The following CNTNAP2 variants were observed in gnomAD, a reference collection of about 807,000 sequenced individuals.
CNTNAP2 encodes the protein contactin associated protein 2.
In CNTNAP2, 98 loss-of-function variants were observed where a neutral mutation model predicts 155.2. The observed-to-expected ratio is 0.63, with a 90% CI of 0.54 to 0.75. The LOEUF is 0.75. Among genes scored for constraint, CNTNAP2 ranks in the 30% least tolerant of loss-of-function variants. CNTNAP2 has a pLI of 0.00. For missense variants in CNTNAP2, 1,727 were observed against 1,688.1 expected (o/e 1.02, Z -0.40); for synonymous variants, 651 against 631.2 (o/e 1.03, Z -0.47).
intron 9 of CNTNAP2, among the ~76,000 whole-genome samples, chr7:147,321,907 G>T (rs1795358543): frequency 6.6e-6 from 1 of 152,240 alleles, no homozygotes; most frequent in African/African-American, 2.4e-5. Context: ...TTTGGATTAG[G>T]TTCAGCTTGA....
intron 3 of CNTNAP2, among the ~76,000 whole-genome samples, chr7:146,901,772 A>G (rs914990728): frequency 1.1e-4 from 17 of 151,744 alleles, no homozygotes; most frequent in Non-Finnish European, 2.5e-4. Context: ...TTTGCTAACA[A>G]TTGTATTGTT....
chr7:146,595,904 A>T (rs1186209097), intron 1 of CNTNAP2, among the ~76,000 whole-genome samples: 5 of 152,026 alleles, frequency 3.3e-5, no homozygotes, highest in African/African-American at 9.7e-5. Context: ...CACACTTTTT[A>T]ACTTGTCCAG....
chr7:147,569,504 C>A (rs533909278), intron 12 of CNTNAP2, among the ~76,000 whole-genome samples: 1 of 152,266 alleles, frequency 6.6e-6, no homozygotes, highest in African/African-American at 2.4e-5. Context: ...TGCACCTTTT[C>A]TATGTGTAGA....
intron 14 of CNTNAP2, among the ~76,000 whole-genome samples, chr7:147,935,741 T>G (rs1800596048): frequency 6.6e-6 from 1 of 152,202 alleles, no homozygotes; most frequent in Non-Finnish European, 1.5e-5. Flanking sequence ...GAGCTTTATC[T>G]TGGAACAATA....
At chr7:147,566,343 G>A (rs1369385720) in intron 12 of CNTNAP2, among the ~76,000 whole-genome samples, 4 of 116,754 alleles carry the variant, frequency 3.4e-5, no homozygotes, top group African/African-American at 1.3e-4. Context: ...GGGAGGGGGA[G>A]GGGAAAGGAA....
chr7:147,399,725 G>A (rs1363537723), intron 10 of CNTNAP2, among the ~76,000 whole-genome samples: 1 of 152,158 alleles, frequency 6.6e-6, no homozygotes, highest in Non-Finnish European at 1.5e-5. Flanking sequence ...GCCTGTGTCT[G>A]CAGGTTTACA....
chr7:147,588,429 T>G (rs1800674363), intron 12 of CNTNAP2, among the ~76,000 whole-genome samples: 1 of 152,164 alleles, frequency 6.6e-6, no homozygotes, highest in African/African-American at 2.4e-5. Flanking sequence ...GGATACTCTG[T>G]GAATAGATGT....
chr7:147,219,955 T>TC (rs1339499192), intron 8 of CNTNAP2, among the ~76,000 whole-genome samples: 1 of 150,572 alleles, frequency 6.6e-6, no homozygotes, highest in Non-Finnish European at 1.5e-5. Flanking sequence ...TTTTTTTTTT[T>TC]TTTTTTTGTA....
At chr7:146,964,343 C>G (rs572174005) in intron 3 of CNTNAP2, among the ~76,000 whole-genome samples, 5 of 152,242 alleles carry the variant, frequency 3.3e-5, no homozygotes, top group African/African-American at 1.2e-4. Context: ...TAGCCTGTAA[C>G]TAAGTATTCT....
intron 1 of CNTNAP2, among the ~76,000 whole-genome samples, chr7:146,735,535 A>C (rs934248064): frequency 6.6e-5 from 10 of 152,164 alleles, no homozygotes; most frequent in African/African-American, 2.4e-4. Flanking sequence ...AGCCTGGGCA[A>C]CAGAGCAAGA....
At chr7:147,213,263 C>T (rs1479409405) in intron 8 of CNTNAP2, among the ~76,000 whole-genome samples, 1 of 152,174 alleles carries the variant, frequency 6.6e-6, no homozygotes, top group African/African-American at 2.4e-5. Flanking sequence ...CTCTTCGTCT[C>T]TTTGTTCTAT....
At chr7:148,264,073 ATT>A (rs781147963) in intron 20 of CNTNAP2, among the ~76,000 whole-genome samples, 12,657 of 152,208 alleles carry the variant, frequency 0.083, 857 homozygotes, top group African/African-American at 0.18. Context: ...CCCACCATGT[ATT>A]GTATTGGGCT....
intron 13 of CNTNAP2, among the ~76,000 whole-genome samples, chr7:147,789,911 T>G (rs556781653): frequency 6.6e-6 from 1 of 152,302 alleles, no homozygotes; most frequent in Non-Finnish European, 1.5e-5. Flanking sequence ...GCTTTCCTAC[T>G]TTTGAAGTCT....
intron 13 of CNTNAP2, among the ~76,000 whole-genome samples, chr7:147,712,733 G>A (rs192325758): frequency 4.3e-4 from 65 of 152,236 alleles, no homozygotes; most frequent in Non-Finnish European, 6.0e-4. Flanking sequence ...ATCACACACC[G>A]GGGCCTGTCA....
intron 14 of CNTNAP2, among the ~76,000 whole-genome samples, chr7:147,949,464 T>A (rs539488258): frequency 0.047 from 4,529 of 96,412 alleles, 255 homozygotes; most frequent in African/African-American, 0.13. Flanking sequence ...ATATATTTTT[T>A]TTTTTTAGGT....
intron 3 of CNTNAP2, among the ~76,000 whole-genome samples, chr7:146,910,372 G>C (rs908784920): frequency 6.7e-6 from 1 of 149,546 alleles, no homozygotes; most frequent in African/African-American, 2.6e-5. Flanking sequence ...AAAGAACAAA[G>C]CTGGAGGCAT....
chr7:147,935,767 A>G (rs1301275596), intron 14 of CNTNAP2, among the ~76,000 whole-genome samples: 1 of 152,062 alleles, frequency 6.6e-6, no homozygotes, highest in Admixed American at 6.5e-5. Flanking sequence ...TTTCATTTAT[A>G]TGATAGCAAA....
At position 148,217,387 on chromosome 7, in the gene CNTNAP2, C is replaced by T; in HGVS notation, c.3110C>T (p.Pro1037Leu). Residue 1037 changes from proline (P) to leucine (L), a missense_variant, in exon 19 of 24, where the codon CCC becomes CTC. Physicochemically the swap from Pro to Leu is moderately conservative, Grantham distance 98 (BLOSUM62 -3). Transcript: ENST00000361727. ...RDSSSRVDNAPDQQNSHPDLA... is the reference protein window; with the variant it reads ...RDSSSRVDNALDQQNSHPDLA... ...TCCAGCAGCAGAGTAGACAACGCTC[C>T]CGACCAGCAGAACTCCCACCCGGAC... 1 of 1,614,130 alleles carries T rather than the reference C, an allele frequency of 6.2e-7. No homozygotes were observed. The highest frequency in any genetic ancestry group is 8.5e-7 in the Non-Finnish European group (1 of 1,180,016).
At chr7:148,202,257 T>C (rs1220042560) in intron 18 of CNTNAP2, among the ~76,000 whole-genome samples, 5 of 152,144 alleles carry the variant, frequency 3.3e-5, no homozygotes, top group African/African-American at 9.7e-5. Context: ...GGCACGCACA[T>C]CACTAAGCAA....
Sources: gnomAD v4.1 joint callset for allele counts (sites outside exome capture counted in the v4.1 genomes callset) on GRCh38, gnomAD v4.1.1 for gene constraint, MANE v1.5 for transcripts, NCBI Gene and HGNC (gene_info 2026-07-23, HGNC 2026-07-21) for gene names.